The following KANSL1L variants were observed in gnomAD, a reference collection of about 807,000 sequenced individuals.
KANSL1L encodes the protein KAT8 regulatory NSL complex subunit 1 like, also known as KAT8 regulatory NSL complex subunit 1-like protein.
A neutral mutation model predicts 108.6 loss-of-function variants in KANSL1L; 25 were observed. The observed-to-expected ratio is 0.23, with a 90% CI of 0.17 to 0.32. The LOEUF (loss-of-function observed/expected upper bound fraction) is 0.32. Ranked by LOEUF, KANSL1L falls within the 10% of genes least tolerant of loss-of-function variation. The pLI is 1.00. For missense variants in KANSL1L, 1,137 were observed against 1,125.7 expected (o/e 1.01, Z -0.14); for synonymous variants, 405 against 395.1 (o/e 1.03, Z -0.30).
chr2:210,052,855 T>C (rs183419023), intron 6 of KANSL1L, among the ~76,000 whole-genome samples: 84 of 152,328 alleles, frequency 5.5e-4, no homozygotes, highest in African/African-American at 1.9e-3. Context: ...ACATAATAAG[T>C]AGGCTATTCT....
chr2:210,132,176 T>C (rs1008150831), intron 2 of KANSL1L, among the ~76,000 whole-genome samples: 1 of 152,190 alleles, frequency 6.6e-6, no homozygotes, highest in African/African-American at 2.4e-5. Flanking sequence ...GCTAACTTGC[T>C]CAAACAAGAT....
Position 210,154,457 on chromosome 2 carries a change from T to C in KANSL1L, c.126A>G (p.Gly42=). 6.2e-6 allele frequency: 10 copies of C among 1,613,400 alleles called. No homozygotes were observed. Among genetic ancestry groups the C allele is most frequent in the Non-Finnish European group, 8.5e-6 (10 of 1,179,640 alleles). Residue 42 remains glycine (G), a synonymous_variant, in exon 2 of 15, where the codon GGA becomes GGG. Coordinates refer to ENST00000281772, the MANE Select transcript of KANSL1L (RefSeq NM_152519.4). The part of the protein sequence containing the change: ...SPRTVDEKLK[G]DTFSQMLGFP... ...ATCCAAGCATCTGAGAAAAGGTGTCTCCCTTTAGCTTTTCATCTACAGTTC... is the reference window on the plus strand; with the variant it reads ...ATCCAAGCATCTGAGAAAAGGTGTCCCCCTTTAGCTTTTCATCTACAGTTC...
chr2:210,036,977 G>A (rs1360690088), intron 8 of KANSL1L, among the ~76,000 whole-genome samples: 3 of 151,392 alleles, frequency 2.0e-5, no homozygotes, highest in African/African-American at 7.3e-5. Flanking sequence ...GGCTGGTCTT[G>A]AACTCTGGGC....
At chr2:210,056,572 C>T (rs1170173384) in intron 6 of KANSL1L, among the ~76,000 whole-genome samples, 1 of 152,074 alleles carries the variant, frequency 6.6e-6, no homozygotes, top group African/African-American at 2.4e-5. Flanking sequence ...CCTCTGCCTC[C>T]CTGGTTCAAG....
At chr2:210,027,125 C>A (rs948941742) in intron 12 of KANSL1L, among the ~76,000 whole-genome samples, 171 bp downstream of exon 12, 3 of 151,990 alleles carry the variant, frequency 2.0e-5, no homozygotes, top group African/African-American at 7.3e-5. Context: ...CAAATTTGCA[C>A]AAAACATTTT....
chr2:210,081,616 C>T (rs1055314463), intron 5 of KANSL1L, among the ~76,000 whole-genome samples: 2 of 152,144 alleles, frequency 1.3e-5, no homozygotes, highest in East Asian at 1.9e-4. Flanking sequence ...TTTTGTTTAT[C>T]CTTGCATCAG....
At chr2:210,160,339 C>T (rs1219684171) in intron 1 of KANSL1L, among the ~76,000 whole-genome samples, 3 of 151,622 alleles carry the variant, frequency 2.0e-5, no homozygotes, top group African/African-American at 4.8e-5. Context: ...CTAGTTAGTG[C>T]TGTAGAGCAA....
chr2:210,079,644 A>G (rs373297901), intron 5 of KANSL1L, among the ~76,000 whole-genome samples: 1,923 of 8,944 alleles, frequency 0.22, 268 homozygotes, highest in African/African-American at 0.34. Context: ...ATATATATAT[A>G]TATATATATA....
intron 6 of KANSL1L, among the ~76,000 whole-genome samples, chr2:210,073,761 T>C (rs953866340): frequency 7.0e-6 from 1 of 143,192 alleles, no homozygotes; most frequent in Admixed American, 6.8e-5. Context: ...TAGGCAAATC[T>C]AGGAAACACA....
chr2:210,043,799 A>C, intron 7 of KANSL1L, 140 bp downstream of exon 7: 1 of 493,360 alleles, frequency 2.0e-6, no homozygotes, highest in Non-Finnish European at 3.5e-6. Context: ...CAACAAATTT[A>C]ATTGTCAAGG....
intron 5 of KANSL1L, among the ~76,000 whole-genome samples, chr2:210,079,153 T>G (rs2094563103): frequency 6.6e-6 from 1 of 151,926 alleles, no homozygotes; most frequent in South Asian, 2.1e-4. Context: ...AAAGTCATAA[T>G]AAGAAGAGGA....
intron 3 of KANSL1L, among the ~76,000 whole-genome samples, chr2:210,116,503 T>G (rs572549275): frequency 6.6e-6 from 1 of 152,260 alleles, no homozygotes; most frequent in South Asian, 2.1e-4. Context: ...CAGTGGTCCT[T>G]GTGTCACGCC....
At chr2:210,140,600 C>T (rs374321887) in intron 2 of KANSL1L, among the ~76,000 whole-genome samples, 3 of 152,230 alleles carry the variant, frequency 2.0e-5, no homozygotes, top group African/African-American at 7.2e-5. Flanking sequence ...GTGCCTCCAG[C>T]TTTGTTCTTT....
intron 7 of KANSL1L, among the ~76,000 whole-genome samples, chr2:210,041,656 T>C (rs902979988): frequency 9.2e-5 from 14 of 152,200 alleles, no homozygotes; most frequent in Non-Finnish European, 1.9e-4. Flanking sequence ...CAGACTGGTC[T>C]TGAACTCTTG....
chr2:210,140,070 T>A (rs2095214356), intron 2 of KANSL1L, among the ~76,000 whole-genome samples: 1 of 152,182 alleles, frequency 6.6e-6, no homozygotes, highest in Non-Finnish European at 1.5e-5. Context: ...AACTTCCATA[T>A]GTACTTTGGA....
intron 8 of KANSL1L, among the ~76,000 whole-genome samples, chr2:210,033,427 G>A (rs1161974475): frequency 1.3e-5 from 2 of 152,184 alleles, no homozygotes; most frequent in African/African-American, 2.4e-5. Flanking sequence ...TTTTGCTGTA[G>A]CATTTAAGCA....
chr2:210,147,939 G>A lies in KANSL1L; in HGVS notation c.1088+5556C>T, dbSNP rs527547457. Among the ~76,000 whole-genome samples, 6 of 152,240 alleles carry A rather than the reference G, an allele frequency of 3.9e-5. No homozygotes were observed. The East Asian group carries it at 1.2e-3, about 29-fold the overall frequency. On this transcript the variant is annotated intron_variant, in intron 2 of 14. Coordinates refer to ENST00000281772, the MANE Select transcript of KANSL1L (RefSeq NM_152519.4). ...CATGAGTATTCATTTCTATGGGTCT[G>A]CAAAAACTTAATTATTTTCTATTTT...
chr2:210,097,399 A>G (rs1374878121), intron 5 of KANSL1L: 3 of 733,474 alleles, frequency 4.1e-6, no homozygotes, highest in Non-Finnish European at 5.0e-6. Flanking sequence ...AAAGAAGCCA[A>G]CATTCCAATT....
At position 210,164,837 on chromosome 2, in the gene KANSL1L, T is replaced by A. The variant is rs552313965; in HGVS notation, c.-30+6312A>T. Among the ~76,000 whole-genome samples, 99 of 151,770 alleles carry A rather than the reference T, an allele frequency of 6.5e-4. 1 individual carries two copies. The South Asian group carries it at 0.019, about 30-fold the overall frequency. ...CCAACTATGTTTCTTGGGTATAAAT[T>A]TTACTTTTATTTTTTCTGTTTTTTT... On this transcript the variant is annotated intron_variant, in intron 1 of 14. Transcript: ENST00000281772.
Sources: gnomAD v4.1 joint callset for allele counts (sites outside exome capture counted in the v4.1 genomes callset) on GRCh38, gnomAD v4.1.1 for gene constraint, MANE v1.5 for transcripts, NCBI Gene and HGNC (gene_info 2026-07-23, HGNC 2026-07-21) for gene names.